The following PDZD2 variants were observed in gnomAD, a reference collection of about 807,000 sequenced individuals.
PDZD2 encodes the protein PDZ domain-containing protein 2.
Under a neutral mutation model 220.7 loss-of-function variants are expected in PDZD2, and 90 were observed. That is an observed-to-expected ratio of 0.41 (90% CI 0.34 to 0.49). The LOEUF (loss-of-function observed/expected upper bound fraction) is 0.49, where lower values mean the gene tolerates loss of function less well. Among genes scored for constraint, PDZD2 ranks in the 20% least tolerant of loss-of-function variants. The pLI, the probability that PDZD2 is intolerant of heterozygous loss-of-function variation, is 0.28. For synonymous variants in PDZD2, 1,375 were observed against 1,450.5 expected (o/e 0.95, Z 1.18); for missense variants, 3,174 against 3,608.5 (o/e 0.88, Z 3.08).
intron 3 of PDZD2, 43 bp downstream of exon 3, chr5:31,983,699 T>C (rs188521088): frequency 3.7e-5 from 58 of 1,568,498 alleles, no homozygotes; most frequent in East Asian, 2.9e-4. Flanking sequence ...TTATTTATCG[T>C]GTGTGTTTGT....
intron 1 of PDZD2, among the ~76,000 whole-genome samples, chr5:31,649,697 G>C (rs1430669385): frequency 1.3e-5 from 2 of 152,094 alleles, no homozygotes; most frequent in African/African-American, 4.8e-5. Context: ...CACTCTGGGA[G>C]GCCAAGGCAG....
intron 2 of PDZD2, among the ~76,000 whole-genome samples, chr5:31,905,640 TAC>T (rs1742577341): frequency 6.6e-6 from 1 of 152,264 alleles, no homozygotes; most frequent in Non-Finnish European, 1.5e-5. Flanking sequence ...ATTTTCTCAC[TAC>T]AGAGTTAACC....
At chr5:31,822,484 A>G (rs921058910) in intron 2 of PDZD2, 22 of 460,038 alleles carry the variant, frequency 4.8e-5, no homozygotes, top group Admixed American at 2.0e-4. Context: ...CTTTTATTGC[A>G]TCATTTAAAT....
At chr5:31,753,710 CT>C (rs1751147274) in intron 1 of PDZD2, among the ~76,000 whole-genome samples, 1 of 152,338 alleles carries the variant, frequency 6.6e-6, no homozygotes, top group Non-Finnish European at 1.5e-5. Flanking sequence ...CAAATTAAGT[CT>C]TTTTGCGTGG....
intron 2 of PDZD2, among the ~76,000 whole-genome samples, chr5:31,964,249 T>C (rs1301194435): frequency 6.6e-6 from 1 of 152,182 alleles, no homozygotes; most frequent in African/African-American, 2.4e-5. Context: ...CGGTAATTGG[T>C]ATTTACTGTG....
chr5:31,867,768 G>A (rs756884585), intron 2 of PDZD2, among the ~76,000 whole-genome samples: 48 of 152,084 alleles, frequency 3.2e-4, no homozygotes, highest in Non-Finnish European at 6.5e-4. Context: ...TGAGTGTTCC[G>A]CCCTCCACGT....
chr5:31,928,664 T>A (rs749948998), intron 2 of PDZD2, among the ~76,000 whole-genome samples: 6 of 152,054 alleles, frequency 3.9e-5, no homozygotes, highest in Non-Finnish European at 8.8e-5. Flanking sequence ...TTAGTAGAGA[T>A]GGGGTTTCAC....
At chr5:31,896,389 A>G (rs1741576232) in intron 2 of PDZD2, among the ~76,000 whole-genome samples, 1 of 148,470 alleles carries the variant, frequency 6.7e-6, no homozygotes, top group South Asian at 2.1e-4. Context: ...TGAAATATCC[A>G]CCTACCTAGG....
At chr5:31,674,240 G>C (rs990283638) in intron 1 of PDZD2, among the ~76,000 whole-genome samples, 2 of 152,188 alleles carry the variant, frequency 1.3e-5, no homozygotes, top group Non-Finnish European at 2.9e-5. Flanking sequence ...GAAAAGACAG[G>C]TACCGGTCAG....
intron 1 of PDZD2, among the ~76,000 whole-genome samples, chr5:31,794,902 A>T (rs1375172882): frequency 6.6e-6 from 1 of 152,190 alleles, no homozygotes; most frequent in Non-Finnish European, 1.5e-5. Context: ...AATCCAGGAC[A>T]TCTGGAAGGG....
At position 32,048,571 on chromosome 5, in the gene PDZD2, T is replaced by C; in HGVS notation, c.1552T>C (p.Tyr518His). 1 of 1,613,924 alleles carries C rather than the reference T, an allele frequency of 6.2e-7. No homozygotes were observed. The highest frequency in any genetic ancestry group is 8.5e-7 in the Non-Finnish European group (1 of 1,179,878). ...GVHRLESVEE[Y>H]NELMVRNGDP... ...ACACCGCCTTGAGTCAGTTGAAGAA[T>C]ATAACGAGCTGATGGTGCGGAATGG... Residue 518 changes from tyrosine to histidine, a missense_variant, in exon 8 of 25, where the codon TAT becomes CAT. Transcript: ENST00000438447.
intron 6 of PDZD2, among the ~76,000 whole-genome samples, chr5:32,033,928 C>T (rs539679987): frequency 6.6e-6 from 1 of 152,186 alleles, no homozygotes; most frequent in Non-Finnish European, 1.5e-5. Flanking sequence ...TCACATATAC[C>T]ATCTTTAGCA....
intron 6 of PDZD2, among the ~76,000 whole-genome samples, chr5:32,016,871 G>A (rs774747635): frequency 2.0e-5 from 3 of 152,196 alleles, no homozygotes; most frequent in Non-Finnish European, 4.4e-5. Context: ...AATTCAGATC[G>A]TAGTGACATT....
intron 2 of PDZD2, among the ~76,000 whole-genome samples, chr5:31,963,525 C>G (rs575787531): frequency 1.7e-4 from 26 of 152,304 alleles, no homozygotes; most frequent in East Asian, 1.5e-3. Context: ...TGGGAGCAGC[C>G]TAGCCTGCAT....
At chr5:31,796,094 G>A (rs1440612591) in intron 1 of PDZD2, among the ~76,000 whole-genome samples, 1 of 152,226 alleles carries the variant, frequency 6.6e-6, no homozygotes, top group African/African-American at 2.4e-5. Flanking sequence ...GATCCGAGCT[G>A]AGCCAATCAG....
intron 6 of PDZD2, among the ~76,000 whole-genome samples, chr5:32,026,307 T>C (rs1443262467): frequency 1.3e-5 from 2 of 152,074 alleles, no homozygotes; most frequent in Admixed American, 6.5e-5. Flanking sequence ...CAGCTAGATT[T>C]TGTATTTTTT....
chr5:31,999,477 C>T (rs780402941), intron 4 of PDZD2, among the ~76,000 whole-genome samples: 5 of 151,912 alleles, frequency 3.3e-5, no homozygotes, highest in Non-Finnish European at 5.9e-5. Context: ...TGTGCCACTC[C>T]ACTCCGGCCT....
intron 12 of PDZD2, among the ~76,000 whole-genome samples, chr5:32,058,505 C>T (rs1215925033): frequency 3.3e-5 from 3 of 90,148 alleles, no homozygotes; most frequent in Non-Finnish European, 9.6e-5. Context: ...CCCGTTTCTA[C>T]TAAAAATAAA....
intron 2 of PDZD2, among the ~76,000 whole-genome samples, chr5:31,818,287 T>C (rs1331302610): frequency 6.6e-6 from 1 of 152,148 alleles, no homozygotes; most frequent in Non-Finnish European, 1.5e-5. Flanking sequence ...ATTTTCGTTT[T>C]TTACTGACAG....
Sources: gnomAD v4.1 joint callset for allele counts (sites outside exome capture counted in the v4.1 genomes callset) on GRCh38, gnomAD v4.1.1 for gene constraint, MANE v1.5 for transcripts, NCBI Gene and HGNC (gene_info 2026-07-23, HGNC 2026-07-21) for gene names.